Variants in RAPGEF1 observed in about 807,000 individuals in gnomAD.
RAPGEF1 encodes the protein Rap guanine nucleotide exchange factor 1, also known as CRK SH3-binding GNRP.
Under a neutral mutation model 143.3 loss-of-function variants are expected in RAPGEF1, and 33 were observed. That is an observed-to-expected ratio of 0.23 (90% CI 0.17 to 0.31). The LOEUF is 0.31. Among genes scored for constraint, RAPGEF1 ranks in the 10% least tolerant of loss-of-function variants. The probability of loss-of-function intolerance (pLI) is 1.00; values close to 1 mark genes in which losing one functional copy is unlikely to be tolerated. For missense variants in RAPGEF1, 1,199 were observed against 1,645.4 expected, an observed-to-expected ratio of 0.73 and a Z score of 4.69; for synonymous variants, 629 against 676.5, an observed-to-expected ratio of 0.93 and a Z score of 1.09.
At chr9:131,622,126 G>A (rs1023280798) in intron 10 of RAPGEF1, 128 bp from the exon 11 acceptor site, 15 of 855,258 alleles carry the variant, frequency 1.8e-5, no homozygotes, top group Non-Finnish European at 2.4e-5. Context: ...ACGAACAGAC[G>A]GAGCACGGAG....
chr9:131,707,730 A>G (rs1409404407), intron 1 of RAPGEF1, among the ~76,000 whole-genome samples: 4 of 152,154 alleles, frequency 2.6e-5, no homozygotes. Context: ...ATTGTTTTTA[A>G]TTGGAGAAAA....
At chr9:131,687,192 C>G (rs1319496529) in intron 1 of RAPGEF1, among the ~76,000 whole-genome samples, 1 of 151,904 alleles carries the variant, frequency 6.6e-6, no homozygotes, top group Non-Finnish European at 1.5e-5. Flanking sequence ...TTTTTTTGTT[C>G]TTTTGTTTTA....
At chr9:131,600,383 A>G (rs187188529) in intron 15 of RAPGEF1, among the ~76,000 whole-genome samples, 1 of 152,292 alleles carries the variant, frequency 6.6e-6, no homozygotes, top group Admixed American at 6.5e-5. Context: ...TGCTTGGCCC[A>G]CACACTCTGC....
intron 1 of RAPGEF1, among the ~76,000 whole-genome samples, chr9:131,697,029 TG>T (rs1420522899): frequency 1.3e-5 from 2 of 152,232 alleles, no homozygotes; most frequent in African/African-American, 4.8e-5. Context: ...TAATTTCCCC[TG>T]GATTACACTG....
At chr9:131,594,519 C>T (rs733531) in intron 17 of RAPGEF1, among the ~76,000 whole-genome samples, 2,411 of 152,302 alleles carry the variant, frequency 0.016, 54 homozygotes, top group East Asian at 0.092. Context: ...CTGGGCTCCA[C>T]GGGCCTGAGC....
intron 3 of RAPGEF1, 97 bp from the exon 4 acceptor site, chr9:131,643,514 G>C (rs1968645437): frequency 8.3e-7 from 1 of 1,202,388 alleles, no homozygotes; most frequent in African/African-American, 1.5e-5. Context: ...GCTTGAGATC[G>C]ATAGGAATGG....
rs536979724 is a variant in RAPGEF1, at chr9:131,627,980, G to A, written c.1134C>T (p.Asp378=). The A allele has an allele frequency of 5.3e-5, 85 of 1,592,666 alleles. No homozygotes were observed. Among genetic ancestry groups the A allele is most frequent in the Non-Finnish European group, 6.8e-5 (79 of 1,169,782 alleles). ...CCCTGTCCAGAGAGGACAGCTGCTC[G>A]TCTGACTTGCTGAGCTTGCCTATGC... ...CSSIGKLSKS[D]EQLSSLDRDS... The change falls in exon 9 of 27, where the codon GAC becomes GAT. Residue 378 remains aspartate (D), a synonymous_variant. Coordinates refer to ENST00000683357, the MANE Select transcript of RAPGEF1 (RefSeq NM_001377935.1).
In RAPGEF1 at chr9:131,739,878, C is replaced by T. The variant is rs1564223284; in HGVS notation, c.-48G>A. 2.1e-5 allele frequency: 21 copies of T among 978,182 alleles called. No individual in the cohort carries two copies. In the South Asian group the frequency reaches 6.9e-4, roughly 32 times the overall value. 60.6% of individuals were successfully genotyped at this position (978,182 alleles called of 1,614,324 possible). ...GGGGCGACAGGGGCGGCGCGCCCGC[C>T]GCTCGCCTCGGCCCTGGCTCGCCAC... On this transcript the variant is annotated 5_prime_UTR_variant, in exon 1 of 27. Coordinates refer to ENST00000683357, the MANE Select transcript of RAPGEF1 (RefSeq NM_001377935.1).
intron 3 of RAPGEF1, among the ~76,000 whole-genome samples, chr9:131,649,605 T>TA (rs1009433561): frequency 2.0e-5 from 3 of 152,096 alleles, no homozygotes; most frequent in African/African-American, 7.2e-5. Flanking sequence ...TGAAGACAAG[T>TA]AAGAGGACAC....
In RAPGEF1 at chr9:131,587,719, C is replaced by A. The variant is rs766122506; in HGVS notation, c.3233+17G>T. On this transcript the variant is annotated intron_variant, in intron 22 of 26. Coordinates refer to ENST00000683357, the MANE Select transcript of RAPGEF1 (RefSeq NM_001377935.1). ...CACCATCCAGAGCAACAGGGCTTGG[C>A]GCTGGGCCTCTCTTACCAGTAGGAC... 4 of 1,609,742 alleles carry A rather than the reference C, an allele frequency of 2.5e-6. No homozygotes were observed. Among genetic ancestry groups the A allele is most frequent in the Non-Finnish European group, 3.4e-6 (4 of 1,177,738 alleles).
chr9:131,710,067 G>T, intron 1 of RAPGEF1: 1 of 505,676 alleles, frequency 2.0e-6, no homozygotes, highest in Non-Finnish European at 2.6e-6. Flanking sequence ...CTCCGCAGGA[G>T]AAATGGGGAA....
intron 3 of RAPGEF1, among the ~76,000 whole-genome samples, chr9:131,647,680 C>A (rs539408715): frequency 6.6e-6 from 1 of 152,180 alleles, no homozygotes; most frequent in Non-Finnish European, 1.5e-5. Flanking sequence ...TGGGCCTCCA[C>A]GAAGCAAGAG....
At chr9:131,663,135 T>C (rs577438167) in intron 1 of RAPGEF1, among the ~76,000 whole-genome samples, 2 of 152,286 alleles carry the variant, frequency 1.3e-5, no homozygotes, top group Non-Finnish European at 2.9e-5. Flanking sequence ...AATCTATTGA[T>C]GTGCTGAAAG....
intron 1 of RAPGEF1, among the ~76,000 whole-genome samples, chr9:131,705,137 G>T (rs894942884): frequency 1.3e-5 from 2 of 152,162 alleles, no homozygotes; most frequent in Admixed American, 1.3e-4. Context: ...AAAGACACCT[G>T]CTGGCACTGG....
chr9:131,732,851 T>G (rs1006904871), intron 1 of RAPGEF1, among the ~76,000 whole-genome samples: 2 of 152,234 alleles, frequency 1.3e-5, no homozygotes, highest in Non-Finnish European at 2.9e-5. Context: ...GGCACCGCAG[T>G]GGTAGACACA....
intron 1 of RAPGEF1, among the ~76,000 whole-genome samples, chr9:131,716,001 A>G (rs1450555445): frequency 6.6e-6 from 1 of 152,118 alleles, no homozygotes; most frequent in African/African-American, 2.4e-5. Context: ...CTCCCATTGC[A>G]GTGCTCTCCC....
intron 12 of RAPGEF1, among the ~76,000 whole-genome samples, chr9:131,606,771 A>C (rs140553133): frequency 1.2e-4 from 19 of 152,198 alleles, no homozygotes; most frequent in African/African-American, 4.1e-4. Context: ...CCACAGGTGC[A>C]TGTCACCACA....
intron 1 of RAPGEF1, 31 bp downstream of exon 1, chr9:131,739,739 C>G: frequency 9.0e-7 from 1 of 1,110,828 alleles, no homozygotes; most frequent in Non-Finnish European, 1.1e-6. Flanking sequence ...CGGGCCCGGC[C>G]GGAGGGAGCC....
chr9:131,683,275 T>C (rs1451839172), intron 1 of RAPGEF1, among the ~76,000 whole-genome samples: 1 of 152,226 alleles, frequency 6.6e-6, no homozygotes, highest in South Asian at 2.1e-4. Flanking sequence ...ATAAGCCAAT[T>C]TGGATAGAAC....
Sources: allele counts gnomAD v4.1 joint callset (sites outside exome capture counted in the v4.1 genomes callset), GRCh38; gene constraint gnomAD v4.1.1; transcripts MANE v1.5; gene names NCBI Gene and HGNC (gene_info 2026-07-23, HGNC 2026-07-21).